LRRC9: variants seen among roughly 807,000 people sequenced by gnomAD.
LRRC9 encodes the protein leucine rich repeat containing 9, also known as leucine-rich repeat-containing protein 9.
LRRC9 carries 122 observed loss-of-function variants against 63.2 expected under a neutral mutation model. That is an observed-to-expected ratio of 1.93 (90% confidence interval 1.67 to 2.24). LRRC9 has a LOEUF of 2.24. LRRC9 is among the 30% of genes most tolerant of loss of function. The probability of loss-of-function intolerance (pLI) is 0.00; values close to 1 mark genes in which losing one functional copy is unlikely to be tolerated. For missense variants in LRRC9, 1,071 were observed against 627.7 expected (o/e 1.71, Z -7.55); for synonymous variants, 366 against 213.1 (o/e 1.72, Z -6.25).
At chr14:59,998,571 A>G (rs1889037336) in intron 18 of LRRC9, among the ~76,000 whole-genome samples, 1 of 152,100 alleles carries the variant, frequency 6.6e-6, no homozygotes, top group Non-Finnish European at 1.5e-5. Flanking sequence ...GGCTGTGTTC[A>G]GCCTTTAAAA....
intron 27 of LRRC9, among the ~76,000 whole-genome samples, chr14:60,024,415 G>A (rs61993994): frequency 0.099 from 15,100 of 152,042 alleles, 1,035 homozygotes; most frequent in Middle Eastern, 0.16. Context: ...AGTAGCGTGA[G>A]AAAAACACAG....
In LRRC9 at chr14:59,974,585, A is replaced by ATT; in HGVS notation, c.1516_1517insTT (p.Lys506IlefsTer12). Reference sequence around the variant, plus strand: ...TGTTTTTTCTTTGCAGCTGCCTCTCAAAAAAGAAGCCATCATTGTTTCTAA... The same window carrying ATT: ...TGTTTTTTCTTTGCAGCTGCCTCTCATTAAAAAGAAGCCATCATTGTTTCTAA... On this transcript the variant is annotated frameshift_variant, in exon 13 of 32. Coordinates refer to ENST00000445360, the Ensembl canonical transcript of LRRC9. LOFTEE classifies it high-confidence loss of function. The ATT allele has an allele frequency of 1.5e-6, 1 of 645,444 alleles. No homozygotes were observed. The highest frequency in any genetic ancestry group is 2.8e-6 in the Non-Finnish European group (1 of 361,606). 40.0% of individuals were successfully genotyped at this position (645,444 alleles called of 1,614,324 possible). A position where few individuals can be genotyped will look rare whatever the true frequency, so the allele number is the denominator to read the frequency against.
chr14:60,057,682 C>T (rs1894386648), intron 30 of LRRC9, 196 bp from the exon 31 acceptor site: 1 of 316,446 alleles, frequency 3.2e-6, no homozygotes. Flanking sequence ...ACACAAGGTT[C>T]TGAGGGAGGT....
chr14:60,007,386 G>C (rs1403528638), intron 22 of LRRC9, among the ~76,000 whole-genome samples: 1 of 152,022 alleles, frequency 6.6e-6, no homozygotes, highest in African/African-American at 2.4e-5. Flanking sequence ...ACTCCCTCTT[G>C]TTTTCACCTC....
rs1228817394 is a variant in LRRC9 at position 59,975,140 on chromosome 14, CATATATATATGTAT to C, written c.1639+456_1639+469del. On this transcript the variant is annotated intron_variant, in intron 13 of 31. Transcript: ENST00000445360. ...ATATATATATATGTATATATATATA[CATATATATATGTAT>C]ATATATATATGTATATATATATACA... Among the ~76,000 whole-genome samples the C allele has an allele frequency of 9.6e-4, 13 of 13,514 alleles. 1 individual carries two copies. The highest frequency in any genetic ancestry group is 1.5e-3 in the African/African-American group (12 of 7,812). 8.9% of individuals were successfully genotyped at this position (13,514 alleles called of 152,430 possible).
chr14:59,992,796 T>C (rs1211986489), intron 17 of LRRC9, among the ~76,000 whole-genome samples: 2 of 152,048 alleles, frequency 1.3e-5, no homozygotes, highest in Admixed American at 6.5e-5. Flanking sequence ...CTCCAAGAAA[T>C]ATGGGACTAT....
rs775951130 is a variant in LRRC9 at position 60,000,932 on chromosome 14, A to G, written c.2530-1034A>G. ...AGAAATATGTGCCGAAGATCTGAAC[A>G]TACACTTCACTGGAGAGGAAATCAG... On this transcript the variant is annotated intron_variant, in intron 19 of 31. Transcript: ENST00000445360. Among the ~76,000 whole-genome samples the G allele has an allele frequency of 1.1e-3, 160 of 152,286 alleles. 2 individuals carry two copies. Among genetic ancestry groups the G allele is most frequent in the Middle Eastern group, 3.4e-3 (1 of 294 alleles).
chr14:59,939,034 CACATATAT>C (rs1202878810), intron 7 of LRRC9, among the ~76,000 whole-genome samples: 1 of 145,876 alleles, frequency 6.9e-6, no homozygotes, highest in African/African-American at 2.5e-5. Context: ...TACATATATA[CACATATAT>C]ACATATATAC....
chr14:59,972,068 C>A (rs1885570713), intron 12 of LRRC9, among the ~76,000 whole-genome samples: 1 of 152,130 alleles, frequency 6.6e-6, no homozygotes, highest in South Asian at 2.1e-4. Flanking sequence ...TTCAACCTAA[C>A]TCCCCATTAC....
At chr14:60,019,572 A>G (rs1454416633) in intron 26 of LRRC9, among the ~76,000 whole-genome samples, 3 of 151,934 alleles carry the variant, frequency 2.0e-5, no homozygotes, top group Non-Finnish European at 4.4e-5. Flanking sequence ...TTTTTTAAAA[A>G]TTGAGGTACA....
At chr14:60,052,593 C>A (rs1339538297) in intron 29 of LRRC9, among the ~76,000 whole-genome samples, 1 of 152,244 alleles carries the variant, frequency 6.6e-6, no homozygotes, top group Non-Finnish European at 1.5e-5. Context: ...CAATAGCTAT[C>A]CTTGCAAGCA....
At chr14:60,056,481 C>G (rs1894290303) in intron 30 of LRRC9, among the ~76,000 whole-genome samples, 1 of 152,030 alleles carries the variant, frequency 6.6e-6, no homozygotes, top group Non-Finnish European at 1.5e-5. Flanking sequence ...TGTTTGTTGG[C>G]TATTCTTTTC....
At chr14:60,021,934 G>A (rs1891147373) in intron 26 of LRRC9, among the ~76,000 whole-genome samples, 1 of 151,718 alleles carries the variant, frequency 6.6e-6, no homozygotes, top group Admixed American at 6.6e-5. Context: ...CTCCAACTTT[G>A]TTCTTTTAAA....
rs573458107 is a variant in LRRC9 at position 60,042,572 on chromosome 14, T to C, written c.3991-10493T>C. 6.6e-6 allele frequency among the ~76,000 whole-genome samples: 1 copy of C among 152,334 alleles called. No individual in the cohort carries two copies. Among genetic ancestry groups the C allele is most frequent in the East Asian group, 1.9e-4 (1 of 5,184 alleles). The stretch of plus-strand genomic sequence containing the variant: ...GCCATGCGCGGGATATAATCTCCTG[T>C]TGTGCCGTTTGCTAAGACCATTGGA... On this transcript the variant is annotated intron_variant, in intron 29 of 31. Coordinates refer to ENST00000445360, the Ensembl canonical transcript of LRRC9. The surrounding 1 kb of genome is among the most constrained non-coding windows in gnomAD (Gnocchi z 4.2).
At chr14:60,054,633 A>G (rs1317560999) in intron 30 of LRRC9, among the ~76,000 whole-genome samples, 1 of 152,230 alleles carries the variant, frequency 6.6e-6, no homozygotes, top group Admixed American at 6.5e-5. Flanking sequence ...AAAAACAACC[A>G]AATAAATAAT....
chr14:60,020,719 A>C (rs1273004970), intron 26 of LRRC9, among the ~76,000 whole-genome samples: 2 of 152,052 alleles, frequency 1.3e-5, no homozygotes, highest in African/African-American at 2.4e-5. Context: ...GGAACTATAA[A>C]ATAGACGGTC....
chr14:59,936,170 T>A lies in LRRC9; in HGVS notation c.544-2220T>A, dbSNP rs1890120587. The stretch of plus-strand genomic sequence containing the variant: ...ATTATTTTATTACCATTACTTTAAT[T>A]ACATTGAACTGCTGTATTTCAGTAT... On this transcript the variant is annotated intron_variant, in intron 6 of 31. Coordinates refer to ENST00000445360, the Ensembl canonical transcript of LRRC9. The surrounding 1 kb of genome is among the most constrained non-coding windows in gnomAD (Gnocchi z 4.2). 6.6e-6 allele frequency among the ~76,000 whole-genome samples: 1 copy of A among 152,190 alleles called. No homozygotes were observed. The highest frequency in any genetic ancestry group is 6.5e-5 in the Admixed American group (1 of 15,274).
chr14:59,999,262 T>G (rs1479989423), intron 19 of LRRC9, 36 bp downstream of exon 19: 1 of 681,466 alleles, frequency 1.5e-6, no homozygotes, highest in Non-Finnish European at 2.7e-6. Context: ...TTGTGCTATT[T>G]AGAACATACA....
chr14:60,036,484 T>A (rs117838866), intron 29 of LRRC9, among the ~76,000 whole-genome samples: 1 of 152,194 alleles, frequency 6.6e-6, no homozygotes, highest in Non-Finnish European at 1.5e-5. Flanking sequence ...TCCTTCACAT[T>A]GATGACTTTG....
Sources: gnomAD v4.1 joint callset for allele counts (sites outside exome capture counted in the v4.1 genomes callset) on GRCh38, gnomAD v4.1.1 for gene constraint, Gnocchi (gnomAD v3.1) non-coding constraint, MANE v1.5 for transcripts, NCBI Gene and HGNC (gene_info 2026-07-23, HGNC 2026-07-21) for gene names.